Variants in ZNRF3 observed in about 807,000 individuals in gnomAD.
ZNRF3 encodes the protein zinc and ring finger 3, also known as E3 ubiquitin-protein ligase ZNRF3.
In ZNRF3, 23 loss-of-function variants were observed where a neutral mutation model predicts 72.5. That is an observed-to-expected ratio of 0.32 (90% confidence interval 0.23 to 0.45). The LOEUF is 0.45. Ranked by LOEUF, ZNRF3 falls within the 20% of genes least tolerant of loss-of-function variation. The probability of loss-of-function intolerance (pLI) is 1.00; values close to 1 mark genes in which losing one functional copy is unlikely to be tolerated. For missense variants in ZNRF3, 1,169 were observed against 1,272.1 expected (o/e 0.92, Z 1.23); for synonymous variants, 610 against 545.3 (o/e 1.12, Z -1.65).
chr22:29,049,310 G>A lies in ZNRF3; in HGVS notation c.1129G>A (p.Ala377Thr), dbSNP rs768773900. 1.9e-6 allele frequency: 3 copies of A among 1,613,794 alleles called. No homozygotes were observed. Among genetic ancestry groups the A allele is most frequent in the Non-Finnish European group, 2.5e-6 (3 of 1,180,008 alleles). ...CCCCGGCCGCGTGCACAGGACCAAC[G>A]CCATCCCAGCCTACCCTACGAGGAC... ...HYPGRVHRTN[A>T]IPAYPTRTSM... The change falls in exon 8 of 9, where the codon GCC (alanine) becomes ACC (threonine). Residue 377 changes from alanine (A) to threonine (T), a missense_variant. Ala to Thr is a moderately conservative substitution (Grantham distance 58). Transcript: ENST00000544604. This position sits in a 1 kb window ranked among gnomAD's most constrained non-coding sequence, Gnocchi z 5.2.
Position 29,050,035 on chromosome 22 carries a change from G to T in ZNRF3, c.1854G>T (p.Arg618=). 6.2e-7 allele frequency: 1 copy of T among 1,609,878 alleles called. No homozygotes were observed. Among genetic ancestry groups the T allele is most frequent in the South Asian group, 1.1e-5 (1 of 90,684 alleles). ...SEAGGSGSSG[R]GPALCFEGSP... ...CGGGGGGCTCGGGCAGCTCGGGCCGGGGACCTGCCCTGTGCTTCGAGGGCT... is the reference window on the plus strand; with the variant it reads ...CGGGGGGCTCGGGCAGCTCGGGCCGTGGACCTGCCCTGTGCTTCGAGGGCT... The change falls in exon 8 of 9, where the codon CGG becomes CGT. Residue 618 remains arginine, a synonymous_variant. Transcript: ENST00000544604.
At chr22:28,995,569 C>T (rs1601642721) in intron 2 of ZNRF3, among the ~76,000 whole-genome samples, 1 of 152,118 alleles carries the variant, frequency 6.6e-6, no homozygotes, top group East Asian at 1.9e-4. Context: ...GGGCAGTCAC[C>T]TTATGATGAT....
rs865828014 is a variant in ZNRF3, at chr22:28,883,979, C to T, written c.213C>T (p.Ser71=). The change falls in exon 1 of 9, where the codon AGC becomes AGT. Residue 71 remains serine (S), a synonymous_variant. Transcript: ENST00000544604. The surrounding 1 kb of genome is among the most constrained non-coding windows in gnomAD (Gnocchi z 5.5). ...TGGTGCTGTTCGAGTCGAGCCCAAG[C>T]GGCGATTACACCACCTACACCACCG... is the stretch of plus-strand genomic sequence containing the variant. ...VEVVLFESSP[S]GDYTTYTTGL... The T allele has an allele frequency of 7.6e-7, 1 of 1,317,000 alleles. No individual in the cohort carries two copies. The highest frequency in any genetic ancestry group is 9.8e-7 in the Non-Finnish European group (1 of 1,015,668). The allele number at this position is 1,317,000 out of a possible 1,614,324, so 81.6% of individuals were successfully genotyped here.
chr22:29,028,640 T>C (rs2123868411), intron 2 of ZNRF3, among the ~76,000 whole-genome samples: 1 of 152,328 alleles, frequency 6.6e-6, no homozygotes, highest in South Asian at 2.1e-4. Context: ...ATGTCAGCTC[T>C]CCACTTTGTG....
intron 1 of ZNRF3, among the ~76,000 whole-genome samples, chr22:28,919,108 T>TGGGAG (rs2034464901): frequency 6.6e-6 from 1 of 152,204 alleles, no homozygotes; most frequent in Non-Finnish European, 1.5e-5. Flanking sequence ...TGGGGCAAGA[T>TGGGAG]GGGAGGAGAG....
At chr22:29,003,611 A>G (rs1259316957) in intron 2 of ZNRF3, among the ~76,000 whole-genome samples, 1 of 152,006 alleles carries the variant, frequency 6.6e-6, no homozygotes, top group Non-Finnish European at 1.5e-5. Flanking sequence ...AAGTCAAGGC[A>G]GGAGGATTGC....
intron 1 of ZNRF3, among the ~76,000 whole-genome samples, chr22:28,904,690 T>C (rs939725024): frequency 2.6e-5 from 4 of 152,178 alleles, no homozygotes; most frequent in African/African-American, 9.7e-5. Context: ...TTTTGTTTCC[T>C]TTGCAGCTTT....
At chr22:28,929,474 C>G (rs1435486784) in intron 1 of ZNRF3, among the ~76,000 whole-genome samples, 2 of 152,182 alleles carry the variant, frequency 1.3e-5, no homozygotes, top group African/African-American at 4.8e-5. Context: ...CAGACACTGC[C>G]AGATGTCCCC....
chr22:28,909,726 G>T (rs1569242332), intron 1 of ZNRF3, among the ~76,000 whole-genome samples: 1 of 149,226 alleles, frequency 6.7e-6, no homozygotes. Flanking sequence ...GACTATAGGC[G>T]CATGCCACCA....
chr22:29,036,587 T>A (rs1420354608), intron 2 of ZNRF3, among the ~76,000 whole-genome samples: 1 of 152,240 alleles, frequency 6.6e-6, no homozygotes, highest in Admixed American at 6.5e-5. Flanking sequence ...CTATCTATCT[T>A]GTCATTTATG....
rs755542860 is a variant in ZNRF3 at position 29,049,761 on chromosome 22, C to G, written c.1580C>G (p.Ser527Cys). The change falls in exon 8 of 9, where the codon TCC (serine) becomes TGC (cysteine). Residue 527 changes from serine (S) to cysteine (C), a missense_variant. Around this residue, in one of 2 missense-constraint regions of ZNRF3, gnomAD observed 783 missense variants for 731.4 expected, o/e 1.07. Transcript: ENST00000544604. The surrounding 1 kb of genome is among the most constrained non-coding windows in gnomAD (Gnocchi z 5.2). The part of the protein sequence containing the change: ...PPSHLESGST[S>C]SFSCYHGHRS... ...TCCCACCTGGAGAGCGGCAGCACGT[C>G]CAGCTTCAGCTGCTATCACGGCCAC... is the stretch of plus-strand genomic sequence containing the variant. 32 of 1,595,436 alleles carry G rather than the reference C, an allele frequency of 2.0e-5. No homozygotes were observed. In the African/African-American group the frequency reaches 3.2e-4, roughly 16 times the overall value.
intron 1 of ZNRF3, among the ~76,000 whole-genome samples, chr22:28,952,299 G>A (rs560122440): frequency 1.3e-5 from 2 of 152,322 alleles, no homozygotes; most frequent in East Asian, 1.9e-4. Context: ...AATGTGGAAC[G>A]CTATGGAAAT....
intron 1 of ZNRF3, among the ~76,000 whole-genome samples, chr22:28,898,293 A>G (rs1022628780): frequency 2.6e-5 from 4 of 152,154 alleles, no homozygotes; most frequent in African/African-American, 9.7e-5. Flanking sequence ...TGTCGCAACT[A>G]TTTGCAAGCA....
At chr22:28,976,474 C>G (rs1476562973) in intron 1 of ZNRF3, among the ~76,000 whole-genome samples, 1 of 152,082 alleles carries the variant, frequency 6.6e-6, no homozygotes, top group Non-Finnish European at 1.5e-5. Flanking sequence ...CCTCTACACG[C>G]CAGCCTGGGT....
At chr22:28,928,096 T>C (rs562600416) in intron 1 of ZNRF3, among the ~76,000 whole-genome samples, 52 of 152,354 alleles carry the variant, frequency 3.4e-4, no homozygotes, top group Non-Finnish European at 2.9e-4. Flanking sequence ...CAGTGGATAA[T>C]TGCAAGTTGA....
chr22:28,993,892 AG>A (rs2035999733), intron 2 of ZNRF3, among the ~76,000 whole-genome samples: 1 of 152,138 alleles, frequency 6.6e-6, no homozygotes, highest in Non-Finnish European at 1.5e-5. Flanking sequence ...TATATTACCC[AG>A]GCAACAGGCT....
chr22:28,888,383 C>T (rs992447968), intron 1 of ZNRF3, among the ~76,000 whole-genome samples: 2 of 152,196 alleles, frequency 1.3e-5, no homozygotes, highest in African/African-American at 4.8e-5. Flanking sequence ...TCTAATAGAA[C>T]AATTGTGTGC....
chr22:29,044,957 C>G, intron 5 of ZNRF3, 67 bp downstream of exon 5: 1 of 1,092,762 alleles, frequency 9.2e-7, no homozygotes, highest in African/African-American at 1.5e-5. Context: ...AAAACCAGGA[C>G]TCTCGTCACC....
At chr22:29,020,102 C>T (rs1460949493) in intron 2 of ZNRF3, among the ~76,000 whole-genome samples, 1 of 151,986 alleles carries the variant, frequency 6.6e-6, no homozygotes, top group Non-Finnish European at 1.5e-5. Context: ...TATGCACATC[C>T]TCCCGTATAC....
Sources: allele counts gnomAD v4.1 joint callset (sites outside exome capture counted in the v4.1 genomes callset), GRCh38; gene constraint gnomAD v4.1.1; regional missense constraint gnomAD v4.1.1; non-coding constraint Gnocchi (gnomAD v3.1); transcripts MANE v1.5; gene names NCBI Gene and HGNC (gene_info 2026-07-23, HGNC 2026-07-21).